GRIP1: variants seen among roughly 807,000 people sequenced by gnomAD.
GRIP1 encodes glutamate receptor-interacting protein 1.
In GRIP1, 45 loss-of-function variants were observed where a neutral mutation model predicts 129.9. That is an observed-to-expected ratio of 0.35 (90% CI 0.27 to 0.44). The LOEUF is 0.44. Among genes scored for constraint, GRIP1 ranks in the 20% least tolerant of loss-of-function variants. The pLI is 1.00. For synonymous variants in GRIP1, 530 were observed against 520.8 expected (o/e 1.02, Z -0.24); for missense variants, 1,196 against 1,396.8 (o/e 0.86, Z 2.29).
intron 1 of GRIP1, among the ~76,000 whole-genome samples, chr12:66,824,788 C>G (rs1325257623): frequency 6.6e-6 from 1 of 152,008 alleles, no homozygotes; most frequent in African/African-American, 2.4e-5. Context: ...ACTATATTGA[C>G]TTTTATCTTT....
chr12:66,489,219 T>G (rs2060040105), intron 7 of GRIP1, among the ~76,000 whole-genome samples: 1 of 152,008 alleles, frequency 6.6e-6, no homozygotes, highest in Non-Finnish European at 1.5e-5. Flanking sequence ...GCAAAAATCC[T>G]CAATAAAATA....
intron 12 of GRIP1, among the ~76,000 whole-genome samples, 157 bp downstream of exon 12, chr12:66,445,165 A>G (rs2058585621): frequency 6.6e-6 from 1 of 152,202 alleles, no homozygotes; most frequent in Non-Finnish European, 1.5e-5. Context: ...CTCTTTTCAA[A>G]CCTGATCAAG....
chr12:66,814,773 A>C (rs79161171), intron 1 of GRIP1, among the ~76,000 whole-genome samples: 4,122 of 152,206 alleles, frequency 0.027, 185 homozygotes, highest in African/African-American at 0.095. Flanking sequence ...AGAGAGGTTT[A>C]ATTGACTCAG....
chr12:66,347,517 GAAC>G lies in GRIP1; in HGVS notation c.*1499_*1501del, dbSNP rs1190698549. 3 of 151,912 alleles carry G rather than the reference GAAC, an allele frequency of 2.0e-5. No homozygotes were observed. Among genetic ancestry groups the G allele is most frequent in the African/African-American group, 7.3e-5 (3 of 41,348 alleles). The allele number at this position is 151,912 out of a possible 1,614,324, so 9.4% of individuals were successfully genotyped here. On this transcript the variant is annotated 3_prime_UTR_variant, in exon 25 of 25. Coordinates refer to ENST00000359742, the MANE Select transcript of GRIP1 (RefSeq NM_001366722.1). ...TTTATTTTTTTCCATACAAATATTT[GAAC>G]AATTTTGAATTCCCCAAAACCATAC...
At chr12:66,497,495 T>G (rs182053872) in intron 7 of GRIP1, among the ~76,000 whole-genome samples, 2 of 152,002 alleles carry the variant, frequency 1.3e-5, no homozygotes, top group Admixed American at 6.5e-5. Context: ...AACAAGAGCA[T>G]TGGGAATCAA....
Position 66,583,850 on chromosome 12 carries a change from C to T in GRIP1, c.136+12997G>A, listed in dbSNP as rs1170100041. On this transcript the variant is annotated intron_variant, in intron 2 of 24. Coordinates refer to ENST00000359742, the MANE Select transcript of GRIP1 (RefSeq NM_001366722.1). ...TCAACCATTGTGGAAGTCAGTGTGGCGATTCCTCAGGGATCTAGAACTAGA... is the reference window on the plus strand; with the variant it reads ...TCAACCATTGTGGAAGTCAGTGTGGTGATTCCTCAGGGATCTAGAACTAGA... Among the ~76,000 whole-genome samples the T allele has an allele frequency of 5.7e-3, 768 of 134,282 alleles. 87 individuals carry two copies. The highest frequency in any genetic ancestry group is 0.02 in the African/African-American group (724 of 36,648). 88.1% of individuals were successfully genotyped at this position (134,282 alleles called of 152,430 possible).
rs1316549833 is a variant in GRIP1, at chr12:66,349,042, G to A, written c.3364C>T (p.Arg1122Ter). 6.2e-6 allele frequency: 10 copies of A among 1,612,210 alleles called. No individual in the cohort carries two copies. The highest frequency in any genetic ancestry group is 1.1e-5 in the South Asian group (1 of 91,052). ...TGCTATAATGTATTAGTGGGTTCTC[G>A]TGTCTCCAAATTACCACCGTGGCTA... The part of the protein sequence containing the change: ...QPSHGGNLET[R>*]EPTNTL Residue 1122 changes from arginine (R) to a stop codon, truncating the protein, a stop_gained, in exon 25 of 25, where the codon CGA becomes TGA. Coordinates refer to ENST00000359742, the MANE Select transcript of GRIP1 (RefSeq NM_001366722.1). LOFTEE classifies it high-confidence loss of function.
intron 1 of GRIP1, among the ~76,000 whole-genome samples, chr12:67,056,818 T>G (rs898170624): frequency 6.6e-6 from 1 of 152,174 alleles, no homozygotes; most frequent in African/African-American, 2.4e-5. Context: ...GTTTTGTTTG[T>G]TTGTTTGTTT....
intron 1 of GRIP1, among the ~76,000 whole-genome samples, chr12:67,002,604 T>C (rs970539744): frequency 6.6e-6 from 1 of 152,226 alleles, no homozygotes; most frequent in Non-Finnish European, 1.5e-5. Flanking sequence ...ATTATTTCCC[T>C]TTCTTACAAC....
At chr12:66,824,861 T>C (rs1432008666) in intron 1 of GRIP1, among the ~76,000 whole-genome samples, 2 of 152,194 alleles carry the variant, frequency 1.3e-5, no homozygotes, top group African/African-American at 4.8e-5. Context: ...CAAAATCATA[T>C]AATAAAAAAT....
chr12:66,639,129 T>A (rs1406243397), intron 1 of GRIP1, among the ~76,000 whole-genome samples: 1 of 152,172 alleles, frequency 6.6e-6, no homozygotes, highest in African/African-American at 2.4e-5. Context: ...TATTATATAT[T>A]TTGTAATATA....
chr12:66,868,245 G>C (rs1051274347), intron 1 of GRIP1, among the ~76,000 whole-genome samples: 28 of 152,054 alleles, frequency 1.8e-4, no homozygotes, highest in African/African-American at 6.8e-4. Flanking sequence ...GAGAGTGACA[G>C]GGAAAATTTG....
intron 1 of GRIP1, among the ~76,000 whole-genome samples, chr12:66,602,848 CTTTTTTTTTT>C (rs71436016): frequency 0.052 from 3,746 of 71,590 alleles, 84 homozygotes; most frequent in African/African-American, 0.095. Context: ...AGATCTTTTG[CTTTTTTTTTT>C]TTTTTTTTTT....
At chr12:66,607,937 T>G (rs1278074331) in intron 1 of GRIP1, among the ~76,000 whole-genome samples, 1 of 152,120 alleles carries the variant, frequency 6.6e-6, no homozygotes, top group Non-Finnish European at 1.5e-5. Context: ...TTCCCAAATT[T>G]AAGCTCAAGT....
rs183897490 is a variant in GRIP1, at chr12:66,920,209, C to T, written c.58+148841G>A. ...GACGAACCTGTATTAAATAATAAAA[C>T]CTCAGCTGTCCAGCATTGTTGAGCA... On this transcript the variant is annotated intron_variant, in intron 1 of 1. Coordinates refer to the GRIP1 transcript ENST00000643019. Among the ~76,000 whole-genome samples, 288 of 152,130 alleles carry T rather than the reference C, an allele frequency of 1.9e-3. 1 individual carries two copies. The highest frequency in any genetic ancestry group is 6.8e-3 in the Middle Eastern group (2 of 294).
At chr12:66,757,349 C>G (rs2037326732) in intron 1 of GRIP1, among the ~76,000 whole-genome samples, 1 of 152,134 alleles carries the variant, frequency 6.6e-6, no homozygotes, top group Admixed American at 6.6e-5. Flanking sequence ...CTTTCTGTGT[C>G]TGGCTTATTT....
chr12:66,409,337 G>T (rs777191338), intron 15 of GRIP1, among the ~76,000 whole-genome samples: 1 of 152,218 alleles, frequency 6.6e-6, no homozygotes, highest in Non-Finnish European at 1.5e-5. Context: ...CTGAGAGAGA[G>T]ACTATATCTG....
chr12:67,048,503 A>G (rs1465575351), intron 1 of GRIP1, among the ~76,000 whole-genome samples: 2 of 152,048 alleles, frequency 1.3e-5, no homozygotes, highest in Admixed American at 6.6e-5. Context: ...CTCTGTCATG[A>G]AGGCTAGAGT....
intron 1 of GRIP1, among the ~76,000 whole-genome samples, chr12:67,010,745 G>A (rs996275995): frequency 8.6e-5 from 13 of 152,038 alleles, no homozygotes; most frequent in Admixed American, 4.6e-4. Context: ...CGGGGACACC[G>A]AGCCCCACAC....
Sources: allele counts gnomAD v4.1 joint callset (sites outside exome capture counted in the v4.1 genomes callset), GRCh38; gene constraint gnomAD v4.1.1; transcripts MANE v1.5; gene names NCBI Gene and HGNC (gene_info 2026-07-23, HGNC 2026-07-21).